The following LRP1B variants were observed in gnomAD, a reference collection of about 807,000 sequenced individuals.
LRP1B encodes low-density lipoprotein receptor-related protein 1B.
In LRP1B, 217 loss-of-function variants were observed where a neutral mutation model predicts 556.6. That is an observed-to-expected ratio of 0.39 (90% CI 0.35 to 0.44). The LOEUF (loss-of-function observed/expected upper bound fraction) is 0.44, where lower values mean the gene tolerates loss of function less well. LRP1B is among the 20% of genes least tolerant of loss of function. The pLI is 1.00. For synonymous variants in LRP1B, 2,047 were observed against 1,865.8 expected (o/e 1.10, Z -2.50); for missense variants, 5,053 against 5,620.8 (o/e 0.90, Z 3.23).
Position 140,324,014 on chromosome 2 carries a change from T to TGCTCCATATATA in LRP1B, c.12381_12392dup (p.Ile4128_Ala4131dup), listed in dbSNP as rs1414383288. ...CTCGAAATACACCATTTTTAGGTCC[T>TGCTCCATATATA]GCTCCATATATATAATCTTCAAAGA... On this transcript the variant is annotated inframe_insertion, in exon 81 of 91. Transcript: ENST00000389484. 1.9e-6 allele frequency: 3 copies of TGCTCCATATATA among 1,610,522 alleles called. No individual in the cohort carries two copies. The African/African-American group carries it at 4.0e-5, about 21-fold the overall frequency.
At chr2:141,520,672 T>G (rs1684494858) in intron 2 of LRP1B, among the ~76,000 whole-genome samples, 1 of 152,070 alleles carries the variant, frequency 6.6e-6, no homozygotes, top group African/African-American at 2.4e-5. Context: ...CTGTTTCATG[T>G]TTTCAAAAGC....
intron 7 of LRP1B, among the ~76,000 whole-genome samples, chr2:141,074,563 C>T (rs1699731751): frequency 2.0e-5 from 1 of 50,404 alleles, no homozygotes; most frequent in African/African-American, 5.1e-5. Context: ...CTCTTTCTGT[C>T]TCTCTGTCTC....
At chr2:141,478,385 A>G (rs1472632515) in intron 3 of LRP1B, among the ~76,000 whole-genome samples, 3 of 152,214 alleles carry the variant, frequency 2.0e-5, no homozygotes, top group Non-Finnish European at 4.4e-5. Flanking sequence ...ATTCAAAAAC[A>G]ATATAACAAA....
At chr2:141,213,357 TTCAGGTTCTGGTGGCAGCCAGAACCTA>T (rs1296383870) in intron 6 of LRP1B, among the ~76,000 whole-genome samples, 2 of 152,184 alleles carry the variant, frequency 1.3e-5, no homozygotes, top group African/African-American at 4.8e-5. Flanking sequence ...AACGTAATTA[TTCAGGTTCTGGTGGCAGCCAGAACCTA>T]TCCCAGCAGC....
At chr2:142,052,032 G>A (rs1209600655) in intron 1 of LRP1B, among the ~76,000 whole-genome samples, 12 of 151,960 alleles carry the variant, frequency 7.9e-5, no homozygotes, top group Admixed American at 7.9e-4. Flanking sequence ...TGGAATTTTG[G>A]AACCTTAGTT....
At chr2:140,552,158 G>A (rs1332771890) in intron 43 of LRP1B, among the ~76,000 whole-genome samples, 1 of 152,036 alleles carries the variant, frequency 6.6e-6, no homozygotes, top group Non-Finnish European at 1.5e-5. Context: ...TTAAATTGAT[G>A]CCCCTTCAAG....
chr2:141,444,936 C>G (rs1237526930), intron 3 of LRP1B, among the ~76,000 whole-genome samples: 1 of 152,120 alleles, frequency 6.6e-6, no homozygotes, highest in African/African-American at 2.4e-5. Flanking sequence ...GTGATGCTGG[C>G]CTCATAAAAT....
At position 140,912,496 on chromosome 2, in the gene LRP1B, G is replaced by T. The variant is rs371011318; in HGVS notation, c.3320-4419C>A. ...CTTTAAAATAAAGTTTTTTAAATGT[G>T]CATGAGTAATTCAAGTAACCAAGTA... is the stretch of plus-strand genomic sequence containing the variant. On this transcript the variant is annotated intron_variant, in intron 21 of 90. Transcript: ENST00000389484. Among the ~76,000 whole-genome samples the T allele has an allele frequency of 4.1e-4, 62 of 151,650 alleles. No individual in the cohort carries two copies. In the South Asian group the frequency reaches 0.01, roughly 25 times the overall value.
At chr2:140,240,112 CT>C (rs1242425035) in intron 87 of LRP1B, among the ~76,000 whole-genome samples, 5 of 150,852 alleles carry the variant, frequency 3.3e-5, no homozygotes, top group African/African-American at 1.2e-4. Flanking sequence ...GAGGCTCATG[CT>C]CTTCAACTGT....
intron 1 of LRP1B, among the ~76,000 whole-genome samples, chr2:142,024,700 C>T (rs189206757): frequency 6.7e-6 from 1 of 148,656 alleles, no homozygotes; most frequent in Admixed American, 6.8e-5. Flanking sequence ...TGTGACATAG[C>T]CCTTTAAAAT....
chr2:141,702,946 G>A (rs1219966273), intron 2 of LRP1B, among the ~76,000 whole-genome samples: 1 of 151,798 alleles, frequency 6.6e-6, no homozygotes, highest in African/African-American at 2.4e-5. Flanking sequence ...ATTTACATAA[G>A]TGAGCTCATT....
At chr2:141,674,891 A>C (rs562793054) in intron 2 of LRP1B, among the ~76,000 whole-genome samples, 3 of 152,038 alleles carry the variant, frequency 2.0e-5, no homozygotes, top group African/African-American at 7.2e-5. Flanking sequence ...TTTTGAAAGC[A>C]TGGGGCAATT....
intron 32 of LRP1B, among the ~76,000 whole-genome samples, chr2:140,787,037 AG>A (rs1689929386): frequency 1.3e-5 from 2 of 152,240 alleles, no homozygotes; most frequent in South Asian, 4.1e-4. Flanking sequence ...AAGGAAGAAG[AG>A]GAAGAGCAGG....
chr2:141,435,375 C>T (rs201318092), intron 3 of LRP1B, among the ~76,000 whole-genome samples: 3 of 111,368 alleles, frequency 2.7e-5, no homozygotes, highest in African/African-American at 8.4e-5. Context: ...TCATGGCTAT[C>T]TCTATTAAAC....
At chr2:140,996,081 C>A (rs75144875) in intron 15 of LRP1B, among the ~76,000 whole-genome samples, 1 of 151,916 alleles carries the variant, frequency 6.6e-6, no homozygotes, top group African/African-American at 2.4e-5. Flanking sequence ...TGTCTTCTAC[C>A]GGAATCCATG....
intron 1 of LRP1B, among the ~76,000 whole-genome samples, chr2:142,120,077 T>C (rs1325423755): frequency 6.6e-6 from 1 of 151,538 alleles, no homozygotes; most frequent in Non-Finnish European, 1.5e-5. Context: ...TCTCCTAACC[T>C]GGCAGATCCT....
chr2:141,803,809 A>G (rs1574378458), intron 2 of LRP1B, among the ~76,000 whole-genome samples: 1 of 152,306 alleles, frequency 6.6e-6, no homozygotes, highest in East Asian at 1.9e-4. Context: ...TCAAAGATAG[A>G]AAGTTCAGAA....
intron 2 of LRP1B, among the ~76,000 whole-genome samples, chr2:141,726,795 C>A (rs541149667): frequency 3.9e-5 from 6 of 152,140 alleles, no homozygotes; most frequent in Admixed American, 3.9e-4. Context: ...GATGGGATAA[C>A]TTATAAAGTT....
chr2:140,711,845 T>C (rs1687041328), intron 37 of LRP1B, among the ~76,000 whole-genome samples: 1 of 152,144 alleles, frequency 6.6e-6, no homozygotes, highest in African/African-American at 2.4e-5. Flanking sequence ...TTTCTTTCAC[T>C]CCATCCCCGA....
Sources: allele counts gnomAD v4.1 joint callset (sites outside exome capture counted in the v4.1 genomes callset), GRCh38; gene constraint gnomAD v4.1.1; transcripts MANE v1.5; gene names NCBI Gene and HGNC (gene_info 2026-07-23, HGNC 2026-07-21).